RABGAP1L: variants seen among roughly 807,000 people sequenced by gnomAD.
RABGAP1L encodes rab GTPase-activating protein 1-like.
RABGAP1L carries 63 observed loss-of-function variants against 137.7 expected under a neutral mutation model. That is an observed-to-expected ratio of 0.46 (90% CI 0.37 to 0.56). RABGAP1L has a LOEUF of 0.56. RABGAP1L is among the 20% of genes least tolerant of loss of function. RABGAP1L has a pLI of 0.00. For synonymous variants in RABGAP1L, 431 were observed against 433.7 expected (o/e 0.99, Z 0.08); for missense variants, 1,095 against 1,244.0 (o/e 0.88, Z 1.80).
chr1:174,225,494 C>CTTTTTTGTTTTTTTTTTTTTTTTT (rs1670098411), intron 3 of RABGAP1L, among the ~76,000 whole-genome samples: 1 of 105,732 alleles, frequency 9.5e-6, no homozygotes, highest in African/African-American at 3.5e-5. Flanking sequence ...AGAATGTTGA[C>CTTTTTTGTTTTTTTTTTTTTTTTT]TTTTTTTTTT....
Position 174,899,273 on chromosome 1 carries a change from G to A in RABGAP1L, c.2341-58184G>A, listed in dbSNP as rs74126900. Among the ~76,000 whole-genome samples, 872 of 152,286 alleles carry A rather than the reference G, an allele frequency of 5.7e-3. 8 individuals are homozygous for A. The highest frequency in any genetic ancestry group is 0.02 in the African/African-American group (833 of 41,564). ...TAAATAAATGGATCGTAGAGTGCAA[G>A]GTGAGGAGAGCTCAGGAGCTCAGGA... On this transcript the variant is annotated intron_variant, in intron 19 of 25. Coordinates refer to ENST00000681986, the MANE Select transcript of RABGAP1L (RefSeq NM_001366446.1).
At chr1:174,292,992 C>T (rs1676770148) in intron 10 of RABGAP1L, among the ~76,000 whole-genome samples, 2 of 152,132 alleles carry the variant, frequency 1.3e-5, no homozygotes, top group African/African-American at 4.8e-5. Flanking sequence ...TGTACTTAGG[C>T]ACAGGTAGGT....
chr1:174,656,673 T>C (rs1557957047), intron 14 of RABGAP1L, among the ~76,000 whole-genome samples: 1 of 152,196 alleles, frequency 6.6e-6, no homozygotes, highest in Non-Finnish European at 1.5e-5. Context: ...TCTGGTGATA[T>C]TATTGTTTGT....
chr1:174,353,514 T>C (rs1379298949), intron 11 of RABGAP1L, among the ~76,000 whole-genome samples: 2 of 152,166 alleles, frequency 1.3e-5, no homozygotes, highest in Non-Finnish European at 1.5e-5. Flanking sequence ...CTTTTCAAGT[T>C]TATTTAGGAC....
chr1:174,514,104 A>G (rs1662586862), intron 13 of RABGAP1L, among the ~76,000 whole-genome samples: 3 of 152,170 alleles, frequency 2.0e-5, no homozygotes, highest in Admixed American at 2.0e-4. Flanking sequence ...AAATAGCAAT[A>G]TAAGCATATG....
intron 18 of RABGAP1L, among the ~76,000 whole-genome samples, chr1:174,787,948 ACTTTT>A (rs1687581096): frequency 1.3e-5 from 2 of 152,136 alleles, no homozygotes; most frequent in Admixed American, 6.5e-5. Flanking sequence ...ACTATCCTCC[ACTTTT>A]CTTTTATCTT....
At chr1:174,891,183 G>A (rs1292260129) in intron 19 of RABGAP1L, among the ~76,000 whole-genome samples, 1 of 152,164 alleles carries the variant, frequency 6.6e-6, no homozygotes, top group Non-Finnish European at 1.5e-5. Flanking sequence ...GTCAGGGGAC[G>A]GGAAAGATGT....
Position 174,946,936 on chromosome 1 carries a change from A to ATGTG in RABGAP1L, c.2341-10520_2341-10519insGTGT, listed in dbSNP as rs1311067728. Among the ~76,000 whole-genome samples, 126 of 65,046 alleles carry ATGTG rather than the reference A, an allele frequency of 1.9e-3. 1 individual carries two copies. Among genetic ancestry groups the ATGTG allele is most frequent in the African/African-American group, 9.2e-3 (113 of 12,300 alleles). 42.7% of individuals were successfully genotyped at this position (65,046 alleles called of 152,430 possible). A position where few individuals can be genotyped will look rare whatever the true frequency, so the allele number is the denominator to read the frequency against. ...AAAAAAAATATATATATATATATAT[A>ATGTG]TATATGTGTGTGTGTGTGTGTGTGT... On this transcript the variant is annotated intron_variant, in intron 19 of 25. Transcript: ENST00000681986.
intron 11 of RABGAP1L, among the ~76,000 whole-genome samples, chr1:174,337,569 G>A (rs765779507): frequency 6.6e-6 from 1 of 152,116 alleles, no homozygotes; most frequent in African/African-American, 2.4e-5. Context: ...AAAGATTTTC[G>A]TGAGGAAGAT....
intron 10 of RABGAP1L, among the ~76,000 whole-genome samples, chr1:174,291,747 AT>A (rs528652246): frequency 2.6e-5 from 4 of 151,674 alleles, no homozygotes; most frequent in Non-Finnish European, 4.4e-5. Flanking sequence ...ATATTGACCT[AT>A]TTTTTTTAAA....
chr1:174,924,385 C>CAAAAAAAAAAAA (rs10688718), intron 19 of RABGAP1L, among the ~76,000 whole-genome samples: 1 of 70,128 alleles, frequency 1.4e-5, no homozygotes, highest in African/African-American at 6.1e-5. Context: ...GACTCTGTCT[C>CAAAAAAAAAAAA]AAAAAAAAAA....
At chr1:174,622,960 C>G (rs1027869308) in intron 13 of RABGAP1L, among the ~76,000 whole-genome samples, 1 of 152,120 alleles carries the variant, frequency 6.6e-6, no homozygotes, top group African/African-American at 2.4e-5. Flanking sequence ...TCAGGTGGTA[C>G]TTTATGAAAA....
chr1:174,615,466 C>G (rs1671736275), intron 13 of RABGAP1L, among the ~76,000 whole-genome samples: 1 of 152,156 alleles, frequency 6.6e-6, no homozygotes, highest in South Asian at 2.1e-4. Context: ...CCTGCCATGT[C>G]AGGTGTCGGT....
chr1:174,318,590 TTC>T (rs1260190297), intron 11 of RABGAP1L, among the ~76,000 whole-genome samples: 1 of 137,754 alleles, frequency 7.3e-6, no homozygotes, highest in Non-Finnish European at 1.5e-5. Context: ...TTTTCTTTCT[TTC>T]TTTCTTTCTT....
At position 174,840,645 on chromosome 1, in the gene RABGAP1L, A is replaced by AC. The variant is rs1453217732; in HGVS notation, c.2340+28685_2340+28686insC. On this transcript the variant is annotated intron_variant, in intron 19 of 25. Transcript: ENST00000681986. ...CTCTACTAAAAATACAAAAAAAAAA[A>AC]AACAAAAAAAAAGAAAAAAATTTAG... Among the ~76,000 whole-genome samples, 4 of 150,952 alleles carry AC rather than the reference A, an allele frequency of 2.6e-5. 1 individual carries two copies. Among genetic ancestry groups the AC allele is most frequent in the Admixed American group, 2.6e-4 (4 of 15,130 alleles).
At chr1:174,192,410 C>T (rs1252519145) in intron 1 of RABGAP1L, among the ~76,000 whole-genome samples, 1 of 150,416 alleles carries the variant, frequency 6.6e-6, no homozygotes, top group Non-Finnish European at 1.5e-5. Context: ...TGCACCTTCA[C>T]CTACCAGGTT....
intron 1 of RABGAP1L, among the ~76,000 whole-genome samples, chr1:174,199,959 A>T (rs1204379008): frequency 6.6e-6 from 1 of 152,238 alleles, no homozygotes; most frequent in African/African-American, 2.4e-5. Flanking sequence ...GGAAACAAAT[A>T]TGAGGTTTAT....
intron 10 of RABGAP1L, among the ~76,000 whole-genome samples, chr1:174,301,074 A>G (rs1677656927): frequency 1.3e-5 from 2 of 152,002 alleles, no homozygotes; most frequent in South Asian, 2.1e-4. Context: ...GCAGTTTGTC[A>G]TGGATCCCAC....
chr1:174,224,172 A>G (rs1040543095), intron 3 of RABGAP1L, among the ~76,000 whole-genome samples: 1 of 152,206 alleles, frequency 6.6e-6, no homozygotes, highest in Non-Finnish European at 1.5e-5. Flanking sequence ...GTTGCATATC[A>G]TTATAGAAAA....
Sources: gnomAD v4.1 joint callset for allele counts (sites outside exome capture counted in the v4.1 genomes callset) on GRCh38, gnomAD v4.1.1 for gene constraint, MANE v1.5 for transcripts, NCBI Gene and HGNC (gene_info 2026-07-23, HGNC 2026-07-21) for gene names.